KHDRBS2: variants seen among roughly 807,000 people sequenced by gnomAD.
KHDRBS2 encodes the protein KH RNA binding domain containing, signal transduction associated 2, also known as KH domain-containing, RNA-binding, signal transduction-associated protein 2.
A neutral mutation model predicts 44.3 loss-of-function variants in KHDRBS2; 26 were observed. That is an observed-to-expected ratio of 0.59 (90% CI 0.43 to 0.81). The LOEUF is 0.81. Ranked by LOEUF, KHDRBS2 falls within the 40% of genes least tolerant of loss-of-function variation. The pLI, the probability that KHDRBS2 is intolerant of heterozygous loss-of-function variation, is 0.00. For missense variants in KHDRBS2, 476 were observed against 433.1 expected (o/e 1.10, Z -0.88); for synonymous variants, 194 against 151.1 (o/e 1.28, Z -2.08).
intron 6 of KHDRBS2, among the ~76,000 whole-genome samples, chr6:61,864,592 T>A (rs908256301): frequency 6.6e-6 from 1 of 152,148 alleles, no homozygotes; most frequent in Non-Finnish European, 1.5e-5. Context: ...AATATTAGCC[T>A]CAATCTCTTC....
rs547667315 is a variant in KHDRBS2 at position 61,801,141 on chromosome 6, T to C, written c.811-68377A>G. 1.6e-4 allele frequency among the ~76,000 whole-genome samples: 24 copies of C among 152,342 alleles called. No individual in the cohort carries two copies. In the South Asian group the frequency reaches 3.1e-3, roughly 20 times the overall value. ...CACTACATCAATAGTTTTCATTCTTTGCTTTAGTTTTAGGTAACATAATAT... is the reference window on the plus strand; with the variant it reads ...CACTACATCAATAGTTTTCATTCTTCGCTTTAGTTTTAGGTAACATAATAT... On this transcript the variant is annotated intron_variant, in intron 6 of 8. Transcript: ENST00000281156.
intron 2 of KHDRBS2, among the ~76,000 whole-genome samples, chr6:62,074,637 C>T (rs572497291): frequency 6.0e-4 from 91 of 151,874 alleles, no homozygotes; most frequent in African/African-American, 2.1e-3. Flanking sequence ...GTTTCAAGAA[C>T]TTTAAAGTTT....
At chr6:61,857,634 C>A (rs1044765269) in intron 6 of KHDRBS2, among the ~76,000 whole-genome samples, 3 of 151,814 alleles carry the variant, frequency 2.0e-5, no homozygotes, top group Non-Finnish European at 4.4e-5. Flanking sequence ...TAGCAACATA[C>A]GGATTTTGTT....
At chr6:61,980,969 G>GTA (rs1773716436) in intron 3 of KHDRBS2, among the ~76,000 whole-genome samples, 1 of 152,138 alleles carries the variant, frequency 6.6e-6, no homozygotes, top group Admixed American at 6.5e-5. Flanking sequence ...AACATGGGAT[G>GTA]TATGTTATAC....
chr6:61,951,150 G>T (rs1026566865), intron 4 of KHDRBS2, among the ~76,000 whole-genome samples: 18 of 152,008 alleles, frequency 1.2e-4, no homozygotes, highest in African/African-American at 4.1e-4. Context: ...GAGTAAGAAA[G>T]AAACTTTGTG....
chr6:61,709,685 G>C (rs761066555), intron 7 of KHDRBS2, among the ~76,000 whole-genome samples: 1 of 151,418 alleles, frequency 6.6e-6, no homozygotes, highest in Non-Finnish European at 1.5e-5. Context: ...ATTATTATTA[G>C]AACATAGCAA....
At chr6:62,007,698 C>A (rs1283852504) in intron 3 of KHDRBS2, among the ~76,000 whole-genome samples, 2 of 148,610 alleles carry the variant, frequency 1.3e-5, no homozygotes, top group African/African-American at 5.0e-5. Context: ...CTAAAATTCA[C>A]AAGAAGAAAT....
In KHDRBS2 at chr6:61,760,130, G is replaced by A. The variant is rs558988291; in HGVS notation, c.811-27366C>T. The stretch of plus-strand genomic sequence containing the variant: ...ATGAATGCTGTATTATTTTTAAGGG[G>A]TAATTCAATTATACATTGTGCTAAA... On this transcript the variant is annotated intron_variant, in intron 6 of 8. Coordinates refer to ENST00000281156, the MANE Select transcript of KHDRBS2 (RefSeq NM_152688.4). Among the ~76,000 whole-genome samples, 5 of 152,098 alleles carry A rather than the reference G, an allele frequency of 3.3e-5. No homozygotes were observed. The East Asian group carries it at 9.6e-4, about 29-fold the overall frequency.
chr6:62,029,719 G>A (rs184959282), intron 3 of KHDRBS2, among the ~76,000 whole-genome samples: 84 of 152,016 alleles, frequency 5.5e-4, no homozygotes, highest in African/African-American at 1.9e-3. Flanking sequence ...AGAAAGGAGT[G>A]CAGCATGTTA....
intron 6 of KHDRBS2, among the ~76,000 whole-genome samples, chr6:61,831,893 A>C (rs1334195409): frequency 1.3e-5 from 2 of 152,232 alleles, no homozygotes; most frequent in African/African-American, 4.8e-5. Flanking sequence ...TATTCTGAGC[A>C]TAATTAGGGA....
rs1766204517 is a variant in KHDRBS2 at position 61,680,684 on chromosome 6, A to C, written c.*279T>G. ...AGAAAAAAAAAAGATTACACACAAC[A>C]ATGAAAAACAACCAAGAGAATATCA... On this transcript the variant is annotated 3_prime_UTR_variant, in exon 9 of 9. Transcript: ENST00000281156. The C allele has an allele frequency of 7.7e-6, 2 of 258,098 alleles. No homozygotes were observed. The highest frequency in any genetic ancestry group is 2.2e-5 in the African/African-American group (1 of 45,296). The allele number at this position is 258,098 out of a possible 1,614,324, so 16.0% of individuals were successfully genotyped here. A position where few individuals can be genotyped will look rare whatever the true frequency, so the allele number is the denominator to read the frequency against.
the KHDRBS2 span, among the ~76,000 whole-genome samples, chr6:61,564,157 T>G: frequency 6.6e-6 from 1 of 152,240 alleles, no homozygotes; most frequent in East Asian, 1.9e-4. Context: ...AAAGCACTAA[T>G]CAGCTACTTC....
At chr6:62,170,928 C>T (rs149315227) in intron 2 of KHDRBS2, among the ~76,000 whole-genome samples, 10 of 133,588 alleles carry the variant, frequency 7.5e-5, no homozygotes, top group Non-Finnish European at 1.6e-4. Flanking sequence ...GTCAAAATGC[C>T]AAGGGCATCA....
intron 2 of KHDRBS2, among the ~76,000 whole-genome samples, chr6:62,119,026 G>T (rs1161748617): frequency 6.6e-6 from 1 of 152,144 alleles, no homozygotes; most frequent in Non-Finnish European, 1.5e-5. Context: ...TACCTCTAGA[G>T]AATCCTAATA....
intron 1 of KHDRBS2, among the ~76,000 whole-genome samples, chr6:62,181,527 T>C (rs1822304904): frequency 6.6e-6 from 1 of 151,922 alleles, no homozygotes; most frequent in African/African-American, 2.4e-5. Context: ...TGGCTATTAT[T>C]GAAAAAAGAA....
chr6:61,812,206 G>A (rs886738258), intron 6 of KHDRBS2, among the ~76,000 whole-genome samples: 20 of 150,880 alleles, frequency 1.3e-4, no homozygotes, highest in Admixed American at 6.6e-5. Flanking sequence ...TCCAACCATC[G>A]AGACAAGACA....
intron 8 of KHDRBS2, among the ~76,000 whole-genome samples, chr6:61,693,700 A>G (rs1268434315): frequency 3.3e-5 from 5 of 152,086 alleles, no homozygotes; most frequent in African/African-American, 9.7e-5. Context: ...CTTGTTGGTA[A>G]GTGGTAATTT....
chr6:62,095,163 C>A (rs527717562), intron 2 of KHDRBS2, among the ~76,000 whole-genome samples: 4 of 151,480 alleles, frequency 2.6e-5, no homozygotes, highest in African/African-American at 7.2e-5. Context: ...TTTTCTACAT[C>A]TGAAAAAGAA....
chr6:61,893,498 C>T (rs1802366663), intron 6 of KHDRBS2, among the ~76,000 whole-genome samples: 2 of 152,244 alleles, frequency 1.3e-5, no homozygotes, highest in East Asian at 1.9e-4. Flanking sequence ...TGGAACCAAC[C>T]CAAATGTCCA....
Sources: gnomAD v4.1 joint callset for allele counts (sites outside exome capture counted in the v4.1 genomes callset) on GRCh38, gnomAD v4.1.1 for gene constraint, MANE v1.5 for transcripts, NCBI Gene and HGNC (gene_info 2026-07-23, HGNC 2026-07-21) for gene names.